ERBB4: variants seen among roughly 807,000 people sequenced by gnomAD.
ERBB4 encodes the protein erb-b2 receptor tyrosine kinase 4, also known as receptor tyrosine-protein kinase erbB-4.
ERBB4 carries 42 observed loss-of-function variants against 158.0 expected under a neutral mutation model. The ratio of observed to expected loss-of-function variants is 0.27; its 90% CI spans 0.21 to 0.34. The LOEUF is 0.34. ERBB4 is among the 10% of genes least tolerant of loss of function. ERBB4 has a pLI of 1.00. For missense variants in ERBB4, 1,333 were observed against 1,624.1 expected (o/e 0.82, Z 3.08); for synonymous variants, 583 against 558.7 (o/e 1.04, Z -0.61).
At chr2:212,192,435 T>C (rs1279407282) in intron 1 of ERBB4, among the ~76,000 whole-genome samples, 1 of 151,976 alleles carries the variant, frequency 6.6e-6, no homozygotes, top group Non-Finnish European at 1.5e-5. Flanking sequence ...CATCAGCCCA[T>C]GTATATTGAG....
intron 19 of ERBB4, among the ~76,000 whole-genome samples, chr2:211,577,216 A>C (rs2067917546): frequency 6.6e-6 from 1 of 152,204 alleles, no homozygotes; most frequent in African/African-American, 2.4e-5. Flanking sequence ...GAATACAAAT[A>C]GATCAGCTTC....
intron 1 of ERBB4, among the ~76,000 whole-genome samples, chr2:212,268,009 C>A (rs187675484): frequency 1.3e-5 from 2 of 151,952 alleles, no homozygotes; most frequent in African/African-American, 2.4e-5. Context: ...ATGCCCAATA[C>A]AGAACAAATC....
intron 1 of ERBB4, among the ~76,000 whole-genome samples, chr2:212,327,615 T>C (rs186023410): frequency 6.6e-6 from 1 of 152,086 alleles, no homozygotes; most frequent in East Asian, 2.0e-4. Context: ...TATAATAAAG[T>C]TAAACATTAA....
intron 1 of ERBB4, among the ~76,000 whole-genome samples, chr2:212,415,751 T>A (rs1419828523): frequency 2.0e-5 from 3 of 152,126 alleles, no homozygotes. Context: ...CCACAATATT[T>A]TCTTAACTGA....
At chr2:211,691,357 T>C (rs774002724) in intron 12 of ERBB4, among the ~76,000 whole-genome samples, 12 of 152,186 alleles carry the variant, frequency 7.9e-5, no homozygotes, top group Non-Finnish European at 1.5e-4. Context: ...AAATGCTCAA[T>C]ACATGTACTC....
chr2:211,922,758 C>CA (rs1004996325), intron 3 of ERBB4, among the ~76,000 whole-genome samples: 7 of 151,686 alleles, frequency 4.6e-5, no homozygotes, highest in Middle Eastern at 6.3e-3. Context: ...TGTGGATTGT[C>CA]AAAAAAACCT....
At chr2:211,989,084 A>C (rs2125249086) in intron 2 of ERBB4, among the ~76,000 whole-genome samples, 1 of 152,162 alleles carries the variant, frequency 6.6e-6, no homozygotes, top group Non-Finnish European at 1.5e-5. Flanking sequence ...CCTTAACAAA[A>C]GTCCTCTAGA....
chr2:212,530,729 T>C (rs138624267), intron 1 of ERBB4, among the ~76,000 whole-genome samples: 223 of 152,248 alleles, frequency 1.5e-3, no homozygotes, highest in Admixed American at 2.4e-3. Flanking sequence ...CCCACTTGTA[T>C]TCAAAAGATT....
At chr2:211,832,907 G>T (rs1298099695) in intron 3 of ERBB4, among the ~76,000 whole-genome samples, 10 of 150,374 alleles carry the variant, frequency 6.7e-5, no homozygotes, top group Non-Finnish European at 1.5e-5. Flanking sequence ...ATGTTTGCAG[G>T]TGATATGTTG....
At chr2:212,350,159 A>C (rs781342001) in intron 1 of ERBB4, among the ~76,000 whole-genome samples, 1 of 152,148 alleles carries the variant, frequency 6.6e-6, no homozygotes, top group Non-Finnish European at 1.5e-5. Context: ...TGCTATAATC[A>C]AAGTAGATTA....
At chr2:211,407,898 C>G (rs1447389067) in intron 25 of ERBB4, among the ~76,000 whole-genome samples, 3 of 152,160 alleles carry the variant, frequency 2.0e-5, no homozygotes, top group Admixed American at 6.6e-5. Flanking sequence ...CGGCCCACCC[C>G]CTACTATCCA....
At chr2:212,419,690 C>T (rs920611350) in intron 1 of ERBB4, among the ~76,000 whole-genome samples, 1 of 151,666 alleles carries the variant, frequency 6.6e-6, no homozygotes, top group African/African-American at 2.4e-5. Context: ...TGAGGACCTA[C>T]TGTTGTGAGG....
chr2:212,295,984 TTTTAA>T (rs1034076359), intron 1 of ERBB4, among the ~76,000 whole-genome samples: 5 of 151,992 alleles, frequency 3.3e-5, no homozygotes, highest in East Asian at 3.9e-4. Flanking sequence ...TTATTTTTGT[TTTTAA>T]TTTGTTTTTT....
intron 2 of ERBB4, among the ~76,000 whole-genome samples, chr2:211,995,813 G>T (rs2082188398): frequency 6.6e-6 from 1 of 152,114 alleles, no homozygotes; most frequent in Non-Finnish European, 1.5e-5. Flanking sequence ...AGCTGCTGAG[G>T]CTGGAATAAG....
chr2:212,203,129 C>T (rs1424522125), intron 1 of ERBB4, among the ~76,000 whole-genome samples: 5 of 151,844 alleles, frequency 3.3e-5, no homozygotes, highest in South Asian at 2.1e-4. Flanking sequence ...AAAATTAACA[C>T]GGACATTGTA....
intron 3 of ERBB4, among the ~76,000 whole-genome samples, chr2:211,806,502 T>C (rs906132968): frequency 2.0e-5 from 3 of 151,884 alleles, no homozygotes; most frequent in African/African-American, 7.3e-5. Flanking sequence ...TTCAAGAAAA[T>C]AAGGGAGCAC....
intron 2 of ERBB4, among the ~76,000 whole-genome samples, chr2:212,033,644 G>A (rs2076951354): frequency 6.6e-6 from 1 of 151,448 alleles, no homozygotes; most frequent in African/African-American, 2.4e-5. Context: ...CATACCAAAG[G>A]GCAACATTTA....
At chr2:211,525,314 G>A (rs900644220) in intron 20 of ERBB4, among the ~76,000 whole-genome samples, 1 of 152,160 alleles carries the variant, frequency 6.6e-6, no homozygotes, top group Non-Finnish European at 1.5e-5. Flanking sequence ...AGAGGGAAAT[G>A]TAAGAGGATT....
intron 1 of ERBB4, among the ~76,000 whole-genome samples, chr2:212,201,997 A>C (rs571270017): frequency 2.6e-5 from 4 of 152,340 alleles, no homozygotes; most frequent in Admixed American, 2.6e-4. Context: ...AGTGAGAAGG[A>C]CTTTGCCTTA....
Sources: allele counts gnomAD v4.1 joint callset (sites outside exome capture counted in the v4.1 genomes callset), GRCh38; gene constraint gnomAD v4.1.1; transcripts MANE v1.5; gene names NCBI Gene and HGNC (gene_info 2026-07-23, HGNC 2026-07-21).